The following MGST1 variants were observed in gnomAD, a reference collection of about 807,000 sequenced individuals.
MGST1 encodes the protein glutathione S-transferase 12.
In MGST1, 5 loss-of-function variants were observed where a neutral mutation model predicts 8.9. The observed-to-expected ratio is 0.56, with a 90% confidence interval of 0.29 to 1.19. The LOEUF (loss-of-function observed/expected upper bound fraction) is 1.19. Ranked by LOEUF, MGST1 falls within the 50% of genes most tolerant of loss-of-function variation. The pLI, the probability that MGST1 is intolerant of heterozygous loss-of-function variation, is 0.08. For missense variants in MGST1, 182 were observed against 187.4 expected (o/e 0.97, Z 0.17); for synonymous variants, 54 against 67.8 (o/e 0.80, Z 1.00).
At chr12:16,392,386 T>C (rs1940560794) in intron 1 of MGST1, among the ~76,000 whole-genome samples, 1 of 152,254 alleles carries the variant, frequency 6.6e-6, no homozygotes, top group Admixed American at 6.5e-5. Flanking sequence ...TTTCGTTTTA[T>C]TACTTTCTCA....
chr12:16,488,967 C>T (rs902775990), intron 4 of MGST1, among the ~76,000 whole-genome samples: 4 of 151,948 alleles, frequency 2.6e-5, no homozygotes, highest in African/African-American at 9.7e-5. Context: ...AAAATATTAT[C>T]TGTGAGTGGT....
intron 4 of MGST1, among the ~76,000 whole-genome samples, chr12:16,571,014 C>A (rs370639068): frequency 6.6e-6 from 1 of 151,682 alleles, no homozygotes; most frequent in African/African-American, 2.4e-5. Flanking sequence ...GCACATGTAC[C>A]CTAAAACTTA....
At chr12:16,467,784 A>G (rs1173310659) in intron 4 of MGST1, among the ~76,000 whole-genome samples, 1 of 152,212 alleles carries the variant, frequency 6.6e-6, no homozygotes, top group Admixed American at 6.5e-5. Flanking sequence ...TTACATATTA[A>G]TAATTCCCAA....
At chr12:16,578,118 T>A (rs1943050317) in intron 4 of MGST1, among the ~76,000 whole-genome samples, 1 of 152,150 alleles carries the variant, frequency 6.6e-6, no homozygotes, top group African/African-American at 2.4e-5. Flanking sequence ...CTCCCAGAAG[T>A]CTTGCCAGGC....
At chr12:16,359,604 G>GA (rs1012761443) in intron 3 of MGST1, among the ~76,000 whole-genome samples, 58 of 151,448 alleles carry the variant, frequency 3.8e-4, no homozygotes, top group Middle Eastern at 3.4e-3. Flanking sequence ...TGTGTTAGAC[G>GA]AAAAAAAATA....
intron 4 of MGST1, among the ~76,000 whole-genome samples, chr12:16,545,085 T>C (rs1473036169): frequency 6.6e-6 from 1 of 152,062 alleles, no homozygotes; most frequent in East Asian, 1.9e-4. Flanking sequence ...AAATGGCCCA[T>C]TGTGAGAATT....
rs1481375840 is a variant in MGST1 at position 16,555,149 on chromosome 12, CT to C, written n.483-34376del. Among the ~76,000 whole-genome samples the C allele has an allele frequency of 1.3e-5, 2 of 152,206 alleles. No homozygotes were observed. The highest frequency in any genetic ancestry group is 2.9e-5 in the Non-Finnish European group (2 of 68,034). ...AACGGTGTTTGGTGTTTGACTAATA[CT>C]TTATCAGAATTTGCTATCATTATTA... is the stretch of plus-strand genomic sequence containing the variant. On this transcript the variant is annotated intron_variant and non_coding_transcript_variant, in intron 4 of 4. Transcript: ENST00000538857. The surrounding 1 kb of genome is among the most constrained non-coding windows in gnomAD (Gnocchi z 5.5).
downstream of MGST1, among the ~76,000 whole-genome samples, chr12:16,443,733 G>T (rs908872032): frequency 1.3e-5 from 2 of 151,832 alleles, no homozygotes; most frequent in Non-Finnish European, 2.9e-5. Context: ...TTGGCCAACA[G>T]TCTCATATGT....
intron 1 of MGST1, among the ~76,000 whole-genome samples, chr12:16,433,323 C>T (rs1333696040): frequency 1.3e-5 from 2 of 152,018 alleles, no homozygotes; most frequent in Non-Finnish European, 2.9e-5. Context: ...TATTAGTCTC[C>T]TTTGGCAACA....
At chr12:16,561,925 T>G (rs757094188) in intron 4 of MGST1, among the ~76,000 whole-genome samples, 1 of 152,198 alleles carries the variant, frequency 6.6e-6, no homozygotes, top group Non-Finnish European at 1.5e-5. Flanking sequence ...GTAAGCGAAG[T>G]TTACATTCAA....
chr12:16,357,904 G>A (rs1450024227), intron 3 of MGST1, among the ~76,000 whole-genome samples: 1 of 152,182 alleles, frequency 6.6e-6, no homozygotes, highest in South Asian at 2.1e-4. Flanking sequence ...GTACTTTTAT[G>A]TGTACTTTCT....
At chr12:16,525,389 C>A (rs182546590) in intron 4 of MGST1, among the ~76,000 whole-genome samples, 4,773 of 149,966 alleles carry the variant, frequency 0.032, 102 homozygotes, top group Non-Finnish European at 0.051. Flanking sequence ...TGAGAATATG[C>A]GGTGTTTGGT....
At chr12:16,550,561 T>C (rs1941951474) in intron 4 of MGST1, 1 of 152,420 alleles carries the variant, frequency 6.6e-6, no homozygotes, top group Admixed American at 6.6e-5. Flanking sequence ...TTATGTATTT[T>C]TTTAAAGCTG....
chr12:16,411,974 G>T (rs918139398), intron 1 of MGST1, among the ~76,000 whole-genome samples: 6 of 152,098 alleles, frequency 3.9e-5, no homozygotes, highest in African/African-American at 1.4e-4. Flanking sequence ...TTGTTGTAAG[G>T]ATAACAAGAG....
At position 16,546,178 on chromosome 12, in the gene MGST1, T is replaced by A. The variant is rs891723936; in HGVS notation, n.483-43350T>A. Among the ~76,000 whole-genome samples the A allele has an allele frequency of 6.6e-6, 1 of 152,086 alleles. No homozygotes were observed. The highest frequency in any genetic ancestry group is 2.1e-4 in the South Asian group (1 of 4,832). ...TTATTGAAGATGGGTCATATGAAAATGTTACCTGTTTCAAATGAACTGTTT... is the reference window on the plus strand; with the variant it reads ...TTATTGAAGATGGGTCATATGAAAAAGTTACCTGTTTCAAATGAACTGTTT... On this transcript the variant is annotated intron_variant and non_coding_transcript_variant, in intron 4 of 4. Coordinates refer to the MGST1 transcript ENST00000538857. The surrounding 1 kb of genome is among the most constrained non-coding windows in gnomAD (Gnocchi z 4.7).
Position 16,575,579 on chromosome 12 carries a change from G to A in MGST1, n.483-13949G>A, listed in dbSNP as rs559438512. Among the ~76,000 whole-genome samples the A allele has an allele frequency of 1.1e-4, 16 of 152,214 alleles. No homozygotes were observed. The South Asian group carries it at 2.9e-3, about 28-fold the overall frequency. On this transcript the variant is annotated intron_variant and non_coding_transcript_variant, in intron 4 of 4. Transcript: ENST00000538857. ...ATTAATCCTCAGGACAACTGAATGA[G>A]GCAGGTTTATTCATCCATTTTATGG...
chr12:16,418,667 AT>A (rs1490212540), intron 1 of MGST1, among the ~76,000 whole-genome samples: 5 of 152,128 alleles, frequency 3.3e-5, no homozygotes, highest in African/African-American at 1.2e-4. Flanking sequence ...CTGTGTTTAA[AT>A]CCCACCTTTG....
chr12:16,509,233 A>G (rs1450207554), intron 4 of MGST1, among the ~76,000 whole-genome samples: 1 of 152,186 alleles, frequency 6.6e-6, no homozygotes, highest in Non-Finnish European at 1.5e-5. Context: ...TAACATAGTT[A>G]ATTATTATGA....
At chr12:16,352,300 A>G (rs531467822) in intron 1 of MGST1, among the ~76,000 whole-genome samples, 2 of 152,234 alleles carry the variant, frequency 1.3e-5, no homozygotes, top group Admixed American at 6.5e-5. Flanking sequence ...TATATGACCA[A>G]TAAAGATACA....
Sources: gnomAD v4.1 joint callset for allele counts (sites outside exome capture counted in the v4.1 genomes callset) on GRCh38, gnomAD v4.1.1 for gene constraint, Gnocchi (gnomAD v3.1) non-coding constraint, MANE v1.5 for transcripts, NCBI Gene and HGNC (gene_info 2026-07-23, HGNC 2026-07-21) for gene names.